PCDH15: variants seen among roughly 807,000 people sequenced by gnomAD.
PCDH15 encodes the protein protocadherin related 15, also known as protocadherin-15.
In PCDH15, 129 loss-of-function variants were observed where a neutral mutation model predicts 178.5. That is an observed-to-expected ratio of 0.72 (90% CI 0.63 to 0.84). The LOEUF is 0.84. Ranked by LOEUF, PCDH15 falls within the 40% of genes least tolerant of loss-of-function variation. PCDH15 has a pLI of 0.00. For missense variants in PCDH15, 2,230 were observed against 2,099.9 expected, an observed-to-expected ratio of 1.06 and a Z score of -1.21; for synonymous variants, 800 against 732.0, an observed-to-expected ratio of 1.09 and a Z score of -1.50.
At chr10:55,061,772 G>A (rs938772303) in intron 2 of PCDH15, among the ~76,000 whole-genome samples, 2 of 152,178 alleles carry the variant, frequency 1.3e-5, no homozygotes, top group African/African-American at 4.8e-5. Context: ...TGTAATCCCA[G>A]GACTTTGGGA....
At chr10:55,396,267 T>C (rs1280775095) in intron 2 of PCDH15, among the ~76,000 whole-genome samples, 2 of 152,156 alleles carry the variant, frequency 1.3e-5, no homozygotes, top group Non-Finnish European at 2.9e-5. Flanking sequence ...TGTTTAACCC[T>C]GTAGAGAAAA....
At chr10:54,154,493 TA>T (rs1394818715) in intron 13 of PCDH15, among the ~76,000 whole-genome samples, 1 of 152,194 alleles carries the variant, frequency 6.6e-6, no homozygotes, top group African/African-American at 2.4e-5. Context: ...GATGCTGGTA[TA>T]CCTTCCTTGA....
chr10:54,684,617 T>C (rs1307322524), intron 1 of PCDH15, among the ~76,000 whole-genome samples: 1 of 152,060 alleles, frequency 6.6e-6, no homozygotes, highest in Admixed American at 6.6e-5. Context: ...TTAATTAAAA[T>C]AACACTGGAA....
At chr10:55,622,130 T>TTATATATATTA (rs1837413964) in intron 2 of PCDH15, among the ~76,000 whole-genome samples, 2 of 60,876 alleles carry the variant, frequency 3.3e-5, no homozygotes, top group South Asian at 8.6e-4. Context: ...AATATATATA[T>TTATATATATTA]TATATATATT....
intron 2 of PCDH15, among the ~76,000 whole-genome samples, chr10:55,499,581 T>A (rs986192026): frequency 2.0e-5 from 3 of 151,776 alleles, no homozygotes; most frequent in Non-Finnish European, 2.9e-5. Context: ...ACAATTTTTT[T>A]AATTGTCAAG....
chr10:54,532,660 T>C (rs2084046719), intron 2 of PCDH15, among the ~76,000 whole-genome samples: 1 of 152,186 alleles, frequency 6.6e-6, no homozygotes, highest in African/African-American at 2.4e-5. Flanking sequence ...TGTACATTAA[T>C]TCCCTTTTTT....
chr10:53,865,482 A>C (rs1398553926), intron 27 of PCDH15, among the ~76,000 whole-genome samples: 2 of 152,170 alleles, frequency 1.3e-5, no homozygotes, highest in Non-Finnish European at 2.9e-5. Context: ...GAGGTTATAA[A>C]GGTAATGGCA....
At chr10:55,499,384 T>A (rs941901766) in intron 2 of PCDH15, among the ~76,000 whole-genome samples, 7 of 148,366 alleles carry the variant, frequency 4.7e-5, no homozygotes, top group African/African-American at 1.7e-4. Flanking sequence ...TTAAACTATC[T>A]TCTTTTTATA....
At chr10:54,547,258 T>G (rs190558859) in intron 2 of PCDH15, among the ~76,000 whole-genome samples, 1 of 152,322 alleles carries the variant, frequency 6.6e-6, no homozygotes, top group Non-Finnish European at 1.5e-5. Flanking sequence ...CAAAATGCTT[T>G]ATATACATAG....
chr10:54,254,953 T>C lies in PCDH15; in HGVS notation c.877-18022A>G, dbSNP rs1293650979. ...TCCTTTCTGCATTGGCAACAATTTA[T>C]GTCTTCCACATAGGATGTACTTCTT... On this transcript the variant is annotated intron_variant, in intron 8 of 37. Transcript: ENST00000644397. 2.0e-5 allele frequency among the ~76,000 whole-genome samples: 3 copies of C among 152,204 alleles called. No homozygotes were observed. The East Asian group carries it at 5.8e-4, about 29-fold the overall frequency.
chr10:54,704,247 C>T (rs10763127), intron 1 of PCDH15, among the ~76,000 whole-genome samples: 129,436 of 152,092 alleles, frequency 0.85, 55,844 homozygotes, highest in Middle Eastern at 0.94. Context: ...AATTGACAAC[C>T]GGGACATAAT....
At chr10:54,262,008 T>C (rs565061137) in intron 8 of PCDH15, among the ~76,000 whole-genome samples, 1 of 152,196 alleles carries the variant, frequency 6.6e-6, no homozygotes, top group Non-Finnish European at 1.5e-5. Flanking sequence ...CCATATACCT[T>C]GAACAAACCC....
intron 16 of PCDH15, among the ~76,000 whole-genome samples, chr10:54,084,711 C>T (rs945989663): frequency 6.7e-6 from 1 of 149,876 alleles, no homozygotes; most frequent in Non-Finnish European, 1.5e-5. Flanking sequence ...TTTCAAAATT[C>T]CGTTATTAGG....
At chr10:54,637,587 C>T (rs1273464823) in intron 2 of PCDH15, among the ~76,000 whole-genome samples, 1 of 152,036 alleles carries the variant, frequency 6.6e-6, no homozygotes, top group Non-Finnish European at 1.5e-5. Context: ...ATCTGCTTTA[C>T]TCTTTCATTT....
chr10:53,988,514 A>C (rs2091260418), intron 21 of PCDH15, among the ~76,000 whole-genome samples: 1 of 152,206 alleles, frequency 6.6e-6, no homozygotes, highest in African/African-American at 2.4e-5. Flanking sequence ...GCTACGGTCC[A>C]AACATAGCCA....
chr10:55,153,189 G>A (rs1048452702), intron 2 of PCDH15, among the ~76,000 whole-genome samples: 3 of 152,010 alleles, frequency 2.0e-5, no homozygotes, highest in Non-Finnish European at 4.4e-5. Flanking sequence ...GTCTTTATCA[G>A]TGAAAACAAA....
At chr10:55,610,372 T>A (rs1843341896) in intron 2 of PCDH15, among the ~76,000 whole-genome samples, 1 of 152,144 alleles carries the variant, frequency 6.6e-6, no homozygotes, top group Admixed American at 6.6e-5. Context: ...TTCCATGTGA[T>A]TATTCACATG....
At chr10:54,870,468 G>C (rs894792948) in intron 3 of PCDH15, among the ~76,000 whole-genome samples, 2 of 152,008 alleles carry the variant, frequency 1.3e-5, no homozygotes, top group Admixed American at 6.6e-5. Flanking sequence ...CACTGAGTTA[G>C]TTTGCAAGTA....
chr10:54,158,750 A>C (rs2045412274), intron 13 of PCDH15, among the ~76,000 whole-genome samples: 1 of 152,238 alleles, frequency 6.6e-6, no homozygotes, highest in Admixed American at 6.5e-5. Flanking sequence ...ATATGCAAGA[A>C]TATAAATTGT....
Sources: allele counts gnomAD v4.1 joint callset (sites outside exome capture counted in the v4.1 genomes callset), GRCh38; gene constraint gnomAD v4.1.1; transcripts MANE v1.5; gene names NCBI Gene and HGNC (gene_info 2026-07-23, HGNC 2026-07-21).